FBRSL1: variants seen among roughly 807,000 people sequenced by gnomAD.
FBRSL1 encodes the protein fibrosin-1-like protein.
Under a neutral mutation model 89.6 loss-of-function variants are expected in FBRSL1, and 51 were observed. The ratio of observed to expected loss-of-function variants is 0.57; its 90% CI spans 0.45 to 0.72. FBRSL1 has a LOEUF of 0.72. FBRSL1 is among the 30% of genes least tolerant of loss of function. The pLI is 0.00. For synonymous variants in FBRSL1, 779 were observed against 681.1 expected (o/e 1.14, Z -2.24); for missense variants, 1,618 against 1,451.8 (o/e 1.11, Z -1.86).
rs746902434 is a variant in FBRSL1 at position 132,572,514 on chromosome 12, CCTT to C, written c.1435-10_1435-8del. On this transcript the variant is annotated splice_polypyrimidine_tract_variant and intron_variant, in intron 10 of 18. Coordinates refer to ENST00000680143, the MANE Select transcript of FBRSL1 (RefSeq NM_001367871.1). ...CTTGGGCCCCCCCTCCATCCGCTCT[CCTT>C]CTCTTACAGTTCTTCCCGTCCTTCC... The C allele has an allele frequency of 6.5e-7, 1 of 1,547,046 alleles. No individual in the cohort carries two copies. The highest frequency in any genetic ancestry group is 1.2e-5 in the South Asian group (1 of 83,976).
intron 4 of FBRSL1, among the ~76,000 whole-genome samples, chr12:132,530,276 G>A (rs1156665967): frequency 1.3e-5 from 2 of 152,216 alleles, no homozygotes; most frequent in Admixed American, 1.3e-4. Context: ...ACCTGGCTCC[G>A]GCTGCTGGGA....
rs1209741634 is a variant in FBRSL1, at chr12:132,584,614, TG to T, written c.*839del. 9.7e-6 allele frequency: 1 copy of T among 102,732 alleles called. No homozygotes were observed. Among genetic ancestry groups the T allele is most frequent in the East Asian group, 3.3e-4 (1 of 3,048 alleles). 6.4% of individuals were successfully genotyped at this position (102,732 alleles called of 1,614,324 possible). A position where few individuals can be genotyped will look rare whatever the true frequency, so the allele number is the denominator to read the frequency against. ...GTTCCGCCAGCGACCTCCCAGCCCC[TG>T]GGTCCGTGGAGGGGTTGGGTCCCCC... is the stretch of plus-strand genomic sequence containing the variant. On this transcript the variant is annotated 3_prime_UTR_variant, in exon 19 of 19. Coordinates refer to ENST00000680143, the MANE Select transcript of FBRSL1 (RefSeq NM_001367871.1).
chr12:132,511,833 C>T, intron 2 of FBRSL1: 4 of 979,274 alleles, frequency 4.1e-6, no homozygotes, highest in Non-Finnish European at 4.9e-6. Flanking sequence ...GGCCCCCTCG[C>T]TCCCCACCCA....
intron 14 of FBRSL1, 130 bp from the exon 15 acceptor site, chr12:132,576,669 T>G: frequency 1.9e-5 from 21 of 1,096,174 alleles, no homozygotes; most frequent in Middle Eastern, 2.3e-4. Flanking sequence ...AATACACCCT[T>G]GAAATCCATC....
chr12:132,548,888 C>T (rs934593985), intron 5 of FBRSL1, among the ~76,000 whole-genome samples: 2 of 152,200 alleles, frequency 1.3e-5, no homozygotes, highest in Non-Finnish European at 2.9e-5. Flanking sequence ...CGACGATTCT[C>T]GCCCTGAGCC....
At chr12:132,580,134 C>T (rs1302271245) in intron 15 of FBRSL1, among the ~76,000 whole-genome samples, 5 of 152,192 alleles carry the variant, frequency 3.3e-5, no homozygotes, top group Non-Finnish European at 7.3e-5. Flanking sequence ...TGTCGCCAGG[C>T]TGGAGTGCAG....
chr12:132,543,322 G>A (rs2037421171), intron 4 of FBRSL1, among the ~76,000 whole-genome samples: 1 of 152,310 alleles, frequency 6.6e-6, no homozygotes, highest in Middle Eastern at 3.4e-3. Context: ...CAGTGTCCAC[G>A]AAGCAGTGGG....
chr12:132,531,554 T>C (rs1593368261), intron 4 of FBRSL1, among the ~76,000 whole-genome samples: 1 of 151,976 alleles, frequency 6.6e-6, no homozygotes, highest in African/African-American at 2.4e-5. Flanking sequence ...TGTGTGCGTG[T>C]GTGTGTGTGT....
chr12:132,490,699 C>T lies in FBRSL1; in HGVS notation c.129C>T (p.Gly43=). ...SSGDEPEPSP[G]KENAGLRGAP... is the part of the protein sequence containing the mutation. Reference sequence around the variant, plus strand: ...GCGACGAGCCCGAGCCCAGCCCCGGCAAGGAGAACGCGGGCCTCCGCGGCG... The same window carrying T: ...GCGACGAGCCCGAGCCCAGCCCCGGTAAGGAGAACGCGGGCCTCCGCGGCG... Residue 43 remains glycine, a synonymous_variant, in exon 1 of 19, where the codon GGC becomes GGT. Coordinates refer to ENST00000680143, the MANE Select transcript of FBRSL1 (RefSeq NM_001367871.1). The T allele has an allele frequency of 1.1e-5, 11 of 996,216 alleles. No individual in the cohort carries two copies. Among genetic ancestry groups the T allele is most frequent in the Non-Finnish European group, 1.3e-5 (11 of 834,636 alleles). 61.7% of individuals were successfully genotyped at this position (996,216 alleles called of 1,614,324 possible).
chr12:132,516,080 A>T (rs1248653512), intron 2 of FBRSL1, among the ~76,000 whole-genome samples: 1 of 152,178 alleles, frequency 6.6e-6, no homozygotes, highest in East Asian at 1.9e-4. Context: ...ATAGACACGA[A>T]AAAGGTGAAA....
intron 1 of FBRSL1, among the ~76,000 whole-genome samples, chr12:132,506,428 C>T (rs2087608040): frequency 6.6e-6 from 1 of 152,164 alleles, no homozygotes; most frequent in Admixed American, 6.5e-5. Context: ...GGGTACCACC[C>T]GGTCCCGCCT....
chr12:132,506,592 C>T (rs960354235), intron 1 of FBRSL1, among the ~76,000 whole-genome samples: 10 of 152,284 alleles, frequency 6.6e-5, no homozygotes, highest in African/African-American at 1.4e-4. Context: ...TTTGATCCAG[C>T]GCTGCAAACA....
At chr12:132,523,004 G>C (rs867354283) in intron 2 of FBRSL1, among the ~76,000 whole-genome samples, 2 of 152,168 alleles carry the variant, frequency 1.3e-5, no homozygotes, top group Non-Finnish European at 2.9e-5. Flanking sequence ...CATAAGCATC[G>C]GTTGGACGGG....
intron 2 of FBRSL1, among the ~76,000 whole-genome samples, chr12:132,514,804 C>T (rs2034687466): frequency 6.6e-6 from 1 of 152,136 alleles, no homozygotes; most frequent in South Asian, 2.1e-4. Flanking sequence ...ATGTGAGCCA[C>T]ATATAGAGTT....
chr12:132,572,556 G>A lies in FBRSL1; in HGVS notation c.1464G>A (p.Pro488=), dbSNP rs377581541. 1.7e-4 allele frequency: 261 copies of A among 1,551,206 alleles called. No individual in the cohort carries two copies. The highest frequency in any genetic ancestry group is 2.2e-4 in the Non-Finnish European group (247 of 1,146,866). ...SFFPSFPPAI[P]GLPTLLPHPG... ...TCCCGTCCTTCCCTCCTGCCATCCC[G>A]GGACTGCCCACCCTGCTCCCACACC... The change falls in exon 11 of 19, where the codon CCG becomes CCA. Residue 488 remains proline (P), a synonymous_variant. Transcript: ENST00000680143.
chr12:132,524,344 C>T (rs1439615528), intron 2 of FBRSL1, among the ~76,000 whole-genome samples: 2 of 152,266 alleles, frequency 1.3e-5, no homozygotes, highest in African/African-American at 2.4e-5. Flanking sequence ...TGCTACTGTG[C>T]GGCTTGATGG....
rs1483034830 is a variant in FBRSL1, at chr12:132,583,642, C to G, written c.2873C>G (p.Pro958Arg). The change falls in exon 19 of 19, where the codon CCC becomes CGC. Residue 958 changes from proline to arginine, a missense_variant. Physicochemically the swap from Pro to Arg is moderately radical, Grantham distance 103. Transcript: ENST00000680143. ...PAAAALGAPP[P>R]LVTAAGPPTP... is the part of the protein sequence containing the mutation. ...GCCGCCGCCCTCGGCGCACCGCCCCCCCTGGTGACGGCGGCCGGGCCCCCC... is the reference window on the plus strand; with the variant it reads ...GCCGCCGCCCTCGGCGCACCGCCCCGCCTGGTGACGGCGGCCGGGCCCCCC... 8 of 1,013,498 alleles carry G rather than the reference C, an allele frequency of 7.9e-6. No individual in the cohort carries two copies. Among genetic ancestry groups the G allele is most frequent in the East Asian group, 8.8e-5 (1 of 11,382 alleles). The allele number at this position is 1,013,498 out of a possible 1,614,324, so 62.8% of individuals were successfully genotyped here.
intron 2 of FBRSL1, among the ~76,000 whole-genome samples, chr12:132,521,733 C>G (rs1389927126): frequency 1.3e-5 from 2 of 152,198 alleles, no homozygotes; most frequent in African/African-American, 4.8e-5. Context: ...GTGCACTGCA[C>G]CGCTCCAGGG....
intron 4 of FBRSL1, among the ~76,000 whole-genome samples, chr12:132,547,703 T>C (rs1345439962): frequency 6.6e-6 from 1 of 152,216 alleles, no homozygotes; most frequent in Non-Finnish European, 1.5e-5. Flanking sequence ...GTCTGGCCAG[T>C]GAGGGCTCCT....
Sources: gnomAD v4.1 joint callset for allele counts (sites outside exome capture counted in the v4.1 genomes callset) on GRCh38, gnomAD v4.1.1 for gene constraint, MANE v1.5 for transcripts, NCBI Gene and HGNC (gene_info 2026-07-23, HGNC 2026-07-21) for gene names.